Variants in ENTREP2 observed in about 807,000 individuals in gnomAD.
ENTREP2 encodes the protein endosomal transmembrane epsin interactor 2.
At chr15:29,256,037 T>C in the ENTREP2 span, among the ~76,000 whole-genome samples, 2 of 151,268 alleles carry the variant, frequency 1.3e-5, no homozygotes, top group Admixed American at 6.6e-5. Context: ...ATCATGTTCT[T>C]TGTAGTAACA....
chr15:29,403,876 C>T, the ENTREP2 span, among the ~76,000 whole-genome samples: 1 of 152,196 alleles, frequency 6.6e-6, no homozygotes, highest in African/African-American at 2.4e-5. Flanking sequence ...CCTGAATCCG[C>T]ACACTCTCAG....
the ENTREP2 span, among the ~76,000 whole-genome samples, chr15:29,217,076 C>T: frequency 6.6e-6 from 1 of 152,158 alleles, no homozygotes; most frequent in African/African-American, 2.4e-5. Context: ...TAAATGGTTA[C>T]AGGCAAGTAA....
the ENTREP2 span, among the ~76,000 whole-genome samples, chr15:29,563,602 C>G: frequency 5.9e-5 from 9 of 152,158 alleles, no homozygotes; most frequent in Non-Finnish European, 1.2e-4. Context: ...GAGGCCAAGG[C>G]TGGTGGACCA....
At chr15:29,134,841 A>G in the ENTREP2 span, among the ~76,000 whole-genome samples, 1 of 152,126 alleles carries the variant, frequency 6.6e-6, no homozygotes, top group Non-Finnish European at 1.5e-5. Context: ...TCTCAAAGTG[A>G]CAGGGAGAGC....
the ENTREP2 span, among the ~76,000 whole-genome samples, chr15:29,157,731 C>CTT: frequency 7.7e-6 from 1 of 129,658 alleles, no homozygotes; most frequent in African/African-American, 2.8e-5. Flanking sequence ...ATAGCGACAT[C>CTT]TTTTTTTTTT....
chr15:29,123,201 C>A, the ENTREP2 span: 4 of 928,040 alleles, frequency 4.3e-6, no homozygotes, highest in South Asian at 6.1e-5. Flanking sequence ...ACACCGCCCC[C>A]AGATCATCCT....
At chr15:29,419,394 A>G in the ENTREP2 span, among the ~76,000 whole-genome samples, 2 of 152,224 alleles carry the variant, frequency 1.3e-5, no homozygotes, top group Non-Finnish European at 2.9e-5. Flanking sequence ...AGAAGATAAG[A>G]CTAGTAAACA....
chr15:29,162,646 T>G, the ENTREP2 span, among the ~76,000 whole-genome samples: 5 of 152,070 alleles, frequency 3.3e-5, no homozygotes, highest in African/African-American at 1.2e-4. Flanking sequence ...CCACAGGAGC[T>G]GCAGCAAGAC....
chr15:29,625,393 C>T, the ENTREP2 span, among the ~76,000 whole-genome samples: 1 of 152,068 alleles, frequency 6.6e-6, no homozygotes, highest in Non-Finnish European at 1.5e-5. Flanking sequence ...TAGTACATGC[C>T]TAGTTTGTTG....
At chr15:29,555,407 A>C in the ENTREP2 span, among the ~76,000 whole-genome samples, 1 of 152,174 alleles carries the variant, frequency 6.6e-6, no homozygotes, top group Non-Finnish European at 1.5e-5. Flanking sequence ...CTCTTTTGGT[A>C]CTCTGTATTT....
At chr15:29,310,840 A>G in the ENTREP2 span, among the ~76,000 whole-genome samples, 1 of 152,240 alleles carries the variant, frequency 6.6e-6, no homozygotes, top group Admixed American at 6.5e-5. Context: ...AGTGAGAAAA[A>G]CAAGACTATG....
At chr15:29,444,198 G>GAAAGAAAGAAAGAAAGA in the ENTREP2 span, among the ~76,000 whole-genome samples, 6 of 138,848 alleles carry the variant, frequency 4.3e-5, no homozygotes, top group African/African-American at 1.8e-4. Context: ...AAGAAAGAAA[G>GAAAGAAAGAAAGAAAGA]AAAGAAAGAA....
the ENTREP2 span, among the ~76,000 whole-genome samples, chr15:29,650,134 G>A: frequency 1.3e-5 from 2 of 152,012 alleles, no homozygotes; most frequent in Non-Finnish European, 2.9e-5. Context: ...TTCTCTGGAG[G>A]TGAGCTCTTC....
At chr15:29,194,847 C>G in the ENTREP2 span, among the ~76,000 whole-genome samples, 2 of 152,184 alleles carry the variant, frequency 1.3e-5, no homozygotes, top group African/African-American at 4.8e-5. Flanking sequence ...CTTAGAGGAG[C>G]CTGTTGAACA....
chr15:29,510,419 A>G, the ENTREP2 span, among the ~76,000 whole-genome samples: 1 of 152,230 alleles, frequency 6.6e-6, no homozygotes, highest in African/African-American at 2.4e-5. Flanking sequence ...AAAGGATTAT[A>G]AATCATTCTA....
chr15:29,123,710 TC>T, the ENTREP2 span: 1 of 1,490,992 alleles, frequency 6.7e-7, no homozygotes, highest in East Asian at 2.5e-5. Flanking sequence ...AGAAGTTAAC[TC>T]AAAAGCAAAG....
chr15:29,501,988 G>A, the ENTREP2 span, among the ~76,000 whole-genome samples: 1 of 151,836 alleles, frequency 6.6e-6, no homozygotes, highest in East Asian at 1.9e-4. Context: ...CATATACACT[G>A]AAAACCATAA....
chr15:29,214,821 A>T, the ENTREP2 span, among the ~76,000 whole-genome samples: 55 of 152,144 alleles, frequency 3.6e-4, no homozygotes, highest in South Asian at 1.9e-3. Context: ...ATACAATTTT[A>T]ATTTTCTTAA....
At chr15:29,655,647 A>T in the ENTREP2 span, among the ~76,000 whole-genome samples, 1 of 152,226 alleles carries the variant, frequency 6.6e-6, no homozygotes, top group Non-Finnish European at 1.5e-5. Context: ...AATTCACAAC[A>T]TACATGAGCC....
Sources: gnomAD v4.1 joint callset for allele counts (sites outside exome capture counted in the v4.1 genomes callset) on GRCh38, gnomAD v4.1.1 for gene constraint, MANE v1.5 for transcripts, NCBI Gene and HGNC (gene_info 2026-07-23, HGNC 2026-07-21) for gene names.